The following VAV2 variants were observed in gnomAD, a reference collection of about 807,000 sequenced individuals.
VAV2 encodes the protein vav guanine nucleotide exchange factor 2.
A neutral mutation model predicts 132.5 loss-of-function variants in VAV2; 67 were observed. The observed-to-expected ratio is 0.51, with a 90% CI of 0.42 to 0.62. The LOEUF is 0.62. Ranked by LOEUF, VAV2 falls within the 20% of genes least tolerant of loss-of-function variation. The pLI is 0.00. For missense variants in VAV2, 938 were observed against 1,153.6 expected (o/e 0.81, Z 2.71); for synonymous variants, 492 against 443.5 (o/e 1.11, Z -1.37).
chr9:133,829,604 A>G (rs1263457686), intron 4 of VAV2, among the ~76,000 whole-genome samples: 2 of 152,212 alleles, frequency 1.3e-5, no homozygotes, highest in Non-Finnish European at 2.9e-5. Flanking sequence ...TGACCCAGAT[A>G]ATATTTTGAA....
At position 133,977,025 on chromosome 9, in the gene VAV2, G is replaced by A. The variant is rs145109267; in HGVS notation, c.204+15050C>T. ...TGCCTCTCCTACAGCCAGGGACTGC[G>A]GCCAGAGGGGAGCGACCACGCAGCG... is the stretch of plus-strand genomic sequence containing the variant. On this transcript the variant is annotated intron_variant, in intron 1 of 29. Coordinates refer to ENST00000371850, the MANE Select transcript of VAV2 (RefSeq NM_001134398.2). 3.9e-3 allele frequency among the ~76,000 whole-genome samples: 592 copies of A among 152,338 alleles called. 7 individuals carry two copies. The highest frequency in any genetic ancestry group is 0.012 in the African/African-American group (497 of 41,572).
At chr9:133,939,791 C>A (rs1841068671) in intron 1 of VAV2, among the ~76,000 whole-genome samples, 1 of 152,258 alleles carries the variant, frequency 6.6e-6, no homozygotes, top group African/African-American at 2.4e-5. Flanking sequence ...ACAAAGCCAA[C>A]AGCCAGGGGC....
intron 2 of VAV2, among the ~76,000 whole-genome samples, chr9:133,865,336 G>A (rs966198541): frequency 6.6e-6 from 1 of 152,104 alleles, no homozygotes; most frequent in African/African-American, 2.4e-5. Flanking sequence ...CCTCATCCCA[G>A]TCTCCACTGC....
chr9:133,940,919 G>C (rs1841123608), intron 1 of VAV2, among the ~76,000 whole-genome samples: 2 of 138,840 alleles, frequency 1.4e-5, no homozygotes, highest in South Asian at 4.8e-4. Flanking sequence ...TGTCCTTATA[G>C]CTAAAAGAAA....
rs527639638 is a variant in VAV2, at chr9:133,935,799, G to A, written c.321+3304C>T. 7.7e-4 allele frequency among the ~76,000 whole-genome samples: 117 copies of A among 152,304 alleles called. No individual in the cohort carries two copies. Among genetic ancestry groups the A allele is most frequent in the Admixed American group, 1.4e-3 (22 of 15,310 alleles). ...GCACCGCCACAGAGACAGGGCTGGC[G>A]GGGCCGAGGCCAGGCCCACGCTGAA... is the stretch of plus-strand genomic sequence containing the variant. On this transcript the variant is annotated intron_variant, in intron 2 of 29. Transcript: ENST00000371850. The surrounding 1 kb of genome is among the most constrained non-coding windows in gnomAD (Gnocchi z 5.2).
At chr9:133,987,351 T>C (rs1234031816) in intron 1 of VAV2, among the ~76,000 whole-genome samples, 1 of 151,748 alleles carries the variant, frequency 6.6e-6, no homozygotes, top group Non-Finnish European at 1.5e-5. Flanking sequence ...GAGGACAGGG[T>C]GGGGAGAGGG....
At chr9:133,797,627 A>G in intron 10 of VAV2, 83 bp downstream of exon 10, 4 of 1,225,158 alleles carry the variant, frequency 3.3e-6, no homozygotes, top group Non-Finnish European at 4.6e-6. Context: ...AATGGGCAAG[A>G]GAGAGGCTGG....
chr9:133,920,723 C>T (rs1286130151), intron 2 of VAV2, among the ~76,000 whole-genome samples: 1 of 151,896 alleles, frequency 6.6e-6, no homozygotes, highest in African/African-American at 2.4e-5. Context: ...TGCTGTCTGT[C>T]ACTGTCTCCC....
Position 133,979,200 on chromosome 9 carries a change from T to C in VAV2, c.204+12875A>G, listed in dbSNP as rs537946003. Among the ~76,000 whole-genome samples, 5 of 152,296 alleles carry C rather than the reference T, an allele frequency of 3.3e-5. No homozygotes were observed. The East Asian group carries it at 9.7e-4, about 29-fold the overall frequency. On this transcript the variant is annotated intron_variant, in intron 1 of 29. Transcript: ENST00000371850. ...GACATGTCCGCCGAGCACTTCCCAC[T>C]TGCCAGGCACCGGGCTGACAGCCGG...
In VAV2 at chr9:133,766,763, T is replaced by A. The variant is rs113817292; in HGVS notation, c.2589+1679A>T. ...CTAGAACTTAAAGTATAAATAAATA[T>A]ATATATATATATATATATATATATC... On this transcript the variant is annotated intron_variant, in intron 29 of 29. Transcript: ENST00000371850. 2.5e-3 allele frequency among the ~76,000 whole-genome samples: 284 copies of A among 115,018 alleles called. 1 individual carries two copies. The highest frequency in any genetic ancestry group is 3.5e-3 in the African/African-American group (87 of 24,562). 75.5% of individuals were successfully genotyped at this position (115,018 alleles called of 152,430 possible).
intron 4 of VAV2, among the ~76,000 whole-genome samples, chr9:133,828,176 G>C (rs80095697): frequency 8.4e-5 from 1 of 11,938 alleles, no homozygotes; most frequent in Admixed American, 6.3e-4. Flanking sequence ...GGCATCGCCA[G>C]CTACTGCTGT....
At chr9:133,962,776 T>C (rs1053903067) in intron 1 of VAV2, among the ~76,000 whole-genome samples, 26 of 152,332 alleles carry the variant, frequency 1.7e-4, no homozygotes, top group Admixed American at 1.4e-3. Flanking sequence ...CGAGATATCA[T>C]TGTTTGATTT....
intron 1 of VAV2, among the ~76,000 whole-genome samples, chr9:133,948,522 A>G (rs1195624577): frequency 6.6e-6 from 1 of 152,260 alleles, no homozygotes; most frequent in Admixed American, 6.5e-5. Flanking sequence ...TCAGCAGGGC[A>G]GGCGGCCCGC....
Position 133,869,530 on chromosome 9 carries a change from A to G in VAV2, c.322-8098T>C, listed in dbSNP as rs145620473. Among the ~76,000 whole-genome samples, 1,321 of 152,298 alleles carry G rather than the reference A, an allele frequency of 8.7e-3. 16 individuals are homozygous for G. The highest frequency in any genetic ancestry group is 0.03 in the African/African-American group (1,257 of 41,568). On this transcript the variant is annotated intron_variant, in intron 2 of 29. Coordinates refer to ENST00000371850, the MANE Select transcript of VAV2 (RefSeq NM_001134398.2). ...GAGGCTGAGGTGGGAGGATCACTTA[A>G]GCCCAGGAGGTCGAAGCTGCAGTGA...
At chr9:133,977,050 G>A (rs987495051) in intron 1 of VAV2, among the ~76,000 whole-genome samples, 11 of 152,194 alleles carry the variant, frequency 7.2e-5, no homozygotes, top group Admixed American at 2.0e-4. Context: ...ACCACGCAGC[G>A]AGGCTGAGGT....
Position 133,834,345 on chromosome 9 carries a change from G to A in VAV2, c.381-5C>T, listed in dbSNP as rs370818400. Reference sequence around the variant, plus strand: ...GTCTCCTCTGAGGGAAAAGGCCTGCGGAAGAGAAGGCGAGAGGGAGGTGAG... The same window carrying A: ...GTCTCCTCTGAGGGAAAAGGCCTGCAGAAGAGAAGGCGAGAGGGAGGTGAG... On this transcript the variant is annotated splice_region_variant and splice_polypyrimidine_tract_variant and intron_variant, in intron 3 of 29. Transcript: ENST00000371850. This position sits in a 1 kb window ranked among gnomAD's most constrained non-coding sequence, Gnocchi z 5.9. 4.1e-5 allele frequency: 66 copies of A among 1,611,334 alleles called. 1 individual carries two copies. Among genetic ancestry groups the A allele is most frequent in the Non-Finnish European group, 4.9e-5 (58 of 1,178,848 alleles).
intron 3 of VAV2, among the ~76,000 whole-genome samples, chr9:133,843,002 A>T (rs1386987639): frequency 6.6e-6 from 1 of 152,214 alleles, no homozygotes; most frequent in African/African-American, 2.4e-5. Context: ...GGCTTCGCTT[A>T]TTAGAAACGG....
At chr9:133,888,342 TAAG>T (rs1466883871) in intron 2 of VAV2, among the ~76,000 whole-genome samples, 1 of 151,980 alleles carries the variant, frequency 6.6e-6, no homozygotes, top group African/African-American at 2.4e-5. Flanking sequence ...GGAAAATGGT[TAAG>T]AAGCTAAATG....
In VAV2 at chr9:133,778,978, G is replaced by A. The variant is rs1833911908; in HGVS notation, c.1763-89C>T. On this transcript the variant is annotated intron_variant, in intron 21 of 29. Coordinates refer to ENST00000371850, the MANE Select transcript of VAV2 (RefSeq NM_001134398.2). ...GGCCCGCAGCCCACCCCATCACCAA[G>A]CTCGGCCTCCCCCAGCACACACAGC... 1.9e-6 allele frequency: 3 copies of A among 1,545,594 alleles called. No homozygotes were observed. In the Admixed American group the frequency reaches 5.2e-5, roughly 27 times the overall value.
Sources: allele counts gnomAD v4.1 joint callset (sites outside exome capture counted in the v4.1 genomes callset), GRCh38; gene constraint gnomAD v4.1.1; non-coding constraint Gnocchi (gnomAD v3.1); transcripts MANE v1.5; gene names NCBI Gene and HGNC (gene_info 2026-07-23, HGNC 2026-07-21).